Variants in RASA3 observed in about 807,000 individuals in gnomAD.
The protein encoded by RASA3 is RAS p21 protein activator 3.
RASA3 carries 73 observed loss-of-function variants against 110.0 expected under a neutral mutation model. That is an observed-to-expected ratio of 0.66 (90% CI 0.55 to 0.81). The LOEUF (loss-of-function observed/expected upper bound fraction) is 0.81, where lower values mean the gene tolerates loss of function less well. Ranked by LOEUF, RASA3 falls within the 30% of genes least tolerant of loss-of-function variation. RASA3 has a pLI of 0.00. For missense variants in RASA3, 976 were observed against 1,113.2 expected (o/e 0.88, Z 1.75); for synonymous variants, 500 against 451.4 (o/e 1.11, Z -1.37).
rs546213417 is a variant in RASA3 at position 114,019,096 on chromosome 13, C to T, written c.786-177G>A. On this transcript the variant is annotated intron_variant, in intron 9 of 23. Coordinates refer to ENST00000334062, the MANE Select transcript of RASA3 (RefSeq NM_007368.4). The stretch of plus-strand genomic sequence containing the variant: ...GAAGACCCCCAGCAGGGCTGGTCAC[C>T]GGGGATCCCCAGGAGGCAAGTGTTG... 7.1e-4 allele frequency among the ~76,000 whole-genome samples: 108 copies of T among 151,722 alleles called. 2 individuals are homozygous for T. Among genetic ancestry groups the T allele is most frequent in the African/African-American group, 2.5e-3 (104 of 41,304 alleles).
chr13:114,116,799 GGGGTGCATGTGTGTGAA>G (rs2080282063), intron 1 of RASA3, among the ~76,000 whole-genome samples: 1 of 145,796 alleles, frequency 6.9e-6, no homozygotes, highest in South Asian at 2.2e-4. Context: ...ACGTGTGTGA[GGGGTGCATGTGTGTGAA>G]GAGAGCACGT....
chr13:114,094,875 C>T (rs1308032330), intron 1 of RASA3, among the ~76,000 whole-genome samples: 1 of 152,168 alleles, frequency 6.6e-6, no homozygotes, highest in East Asian at 1.9e-4. Flanking sequence ...GGCGCGGGCT[C>T]CCCCGCTCCA....
rs754159433 is a variant in RASA3, at chr13:113,979,356, A to C, written c.2496T>G (p.His832Gln). 8 of 1,598,072 alleles carry C rather than the reference A, an allele frequency of 5.0e-6. No homozygotes were observed. The highest frequency in any genetic ancestry group is 6.9e-6 in the Non-Finnish European group (8 of 1,165,580). Residue 832 changes from histidine (H) to glutamine (Q), a missense_variant, in exon 24 of 24, where the codon CAT becomes CAG. His to Gln is a conservative substitution (Grantham distance 24, BLOSUM62 0). Transcript: ENST00000334062. ...YIRQQSETST[H>Q]SI is the part of the protein sequence containing the mutation. The stretch of plus-strand genomic sequence containing the variant: ...GCGCGTCCCGCAGACTTTAAATGGA[A>C]TGAGTGGAGGTCTCGGACTGCTGCC...
intron 22 of RASA3, among the ~76,000 whole-genome samples, chr13:113,989,527 TCCA>T (rs2053056802): frequency 1.6e-5 from 2 of 126,008 alleles, no homozygotes; most frequent in African/African-American, 3.1e-5. Context: ...CATCCGTCCA[TCCA>T]CCATCACTCA....
intron 1 of RASA3, chr13:114,077,949 A>G (rs1422409712): frequency 1.0e-6 from 1 of 984,886 alleles, no homozygotes; most frequent in Non-Finnish European, 1.2e-6. Context: ...ATCACCTCCA[A>G]GGCACTGGTT....
At chr13:114,041,657 T>G (rs1440343519) in intron 3 of RASA3, among the ~76,000 whole-genome samples, 1 of 152,262 alleles carries the variant, frequency 6.6e-6, no homozygotes, top group Non-Finnish European at 1.5e-5. Context: ...AGCGACAGCC[T>G]GAAACACACG....
intron 3 of RASA3, among the ~76,000 whole-genome samples, chr13:114,047,208 A>G (rs546882343): frequency 6.6e-6 from 1 of 152,374 alleles, no homozygotes; most frequent in South Asian, 2.1e-4. Flanking sequence ...GGAACTTTAA[A>G]AAGTAACAAG....
intron 1 of RASA3, among the ~76,000 whole-genome samples, chr13:114,090,552 C>T (rs549506327): frequency 2.0e-5 from 3 of 152,294 alleles, no homozygotes; most frequent in African/African-American, 4.8e-5. Context: ...ATTCCGCTTC[C>T]GACCAGGCAG....
intron 16 of RASA3, among the ~76,000 whole-genome samples, chr13:114,010,755 CGTGGGGAG>C (rs143735919): frequency 0.13 from 18 of 136 alleles, 3 homozygotes; most frequent in Non-Finnish European, 0.18. Flanking sequence ...GAGGGGGCCG[CGTGGGGAG>C]GTGGGGAGGA....
At chr13:114,130,283 C>G (rs772267248) in intron 1 of RASA3, among the ~76,000 whole-genome samples, 1 of 152,188 alleles carries the variant, frequency 6.6e-6, no homozygotes, top group South Asian at 2.1e-4. Context: ...GGAGAGGAAA[C>G]GGGGACTTCT....
intron 18 of RASA3, among the ~76,000 whole-genome samples, chr13:114,005,468 C>T (rs576244036): frequency 6.6e-6 from 1 of 151,904 alleles, no homozygotes; most frequent in Admixed American, 6.6e-5. Flanking sequence ...CAGACGTCCC[C>T]CTCCAAGGTC....
chr13:114,012,313 C>T (rs2139246216), intron 15 of RASA3, among the ~76,000 whole-genome samples: 1 of 151,928 alleles, frequency 6.6e-6, no homozygotes, highest in South Asian at 2.1e-4. Flanking sequence ...TCCACCAGCA[C>T]TCCCCACGCA....
intron 12 of RASA3, 98 bp downstream of exon 12, chr13:114,017,139 C>T (rs2053811047): frequency 2.7e-6 from 3 of 1,119,176 alleles, no homozygotes; most frequent in Non-Finnish European, 4.0e-6. Context: ...ACATTCAAGC[C>T]CAGCTCGTGG....
At chr13:113,995,651 GGGCCCAGCTGACGGA>G (rs2053217403) in intron 21 of RASA3, among the ~76,000 whole-genome samples, 1 of 143,566 alleles carries the variant, frequency 7.0e-6, no homozygotes, top group Non-Finnish European at 1.5e-5. Context: ...AGCTGACGGG[GGGCCCAGCTGACGGA>G]GGACCCAGCT....
chr13:114,028,063 A>G, intron 5 of RASA3, 136 bp from the exon 6 acceptor site: 1 of 688,098 alleles, frequency 1.5e-6, no homozygotes, highest in Non-Finnish European at 2.5e-6. Flanking sequence ...AGGGAGGGCC[A>G]CACCAGCCAT....
intron 4 of RASA3, among the ~76,000 whole-genome samples, chr13:114,032,960 T>A (rs2054201265): frequency 9.9e-6 from 1 of 100,948 alleles, no homozygotes; most frequent in African/African-American, 4.0e-5. Context: ...ACCCCCACAC[T>A]GACACCACAC....
intron 1 of RASA3, among the ~76,000 whole-genome samples, chr13:114,131,271 G>A (rs1391576606): frequency 6.6e-6 from 1 of 152,132 alleles, no homozygotes; most frequent in Non-Finnish European, 1.5e-5. Flanking sequence ...CTTCACACGG[G>A]AAGAGGCCGG....
rs115692795 is a variant in RASA3 at position 114,121,224 on chromosome 13, G to A, written c.55+11211C>T. On this transcript the variant is annotated intron_variant, in intron 1 of 23. Transcript: ENST00000334062. ...TGCGGCCGGGGGCAGGAGGCCACCC[G>A]CGGGGCATTCGGACCCCCGTGCCCC... 9.3e-3 allele frequency among the ~76,000 whole-genome samples: 1,411 copies of A among 152,328 alleles called. 30 individuals are homozygous for A. The highest frequency in any genetic ancestry group is 0.032 in the African/African-American group (1,346 of 41,580).
intron 14 of RASA3, among the ~76,000 whole-genome samples, chr13:114,013,863 C>T (rs183073596): frequency 0.016 from 1,924 of 122,690 alleles, 137 homozygotes; most frequent in African/African-American, 0.06. Flanking sequence ...TGTCTCTCTC[C>T]CTGTCTCTCT....
Sources: allele counts gnomAD v4.1 joint callset (sites outside exome capture counted in the v4.1 genomes callset), GRCh38; gene constraint gnomAD v4.1.1; transcripts MANE v1.5; gene names NCBI Gene and HGNC (gene_info 2026-07-23, HGNC 2026-07-21).